The following ITPR2 variants were observed in gnomAD, a reference collection of about 807,000 sequenced individuals.
The protein encoded by ITPR2 is inositol 1,4,5-trisphosphate-gated calcium channel ITPR2.
Under a neutral mutation model 317.1 loss-of-function variants are expected in ITPR2, and 207 were observed. That is an observed-to-expected ratio of 0.65 (90% CI 0.58 to 0.73). The LOEUF (loss-of-function observed/expected upper bound fraction) is 0.73. ITPR2 is among the 30% of genes least tolerant of loss of function. ITPR2 has a pLI of 0.00. For missense variants in ITPR2, 2,613 were observed against 3,284.0 expected, an observed-to-expected ratio of 0.80 and a Z score of 4.99; for synonymous variants, 1,156 against 1,149.1, an observed-to-expected ratio of 1.01 and a Z score of -0.12.
At chr12:26,442,732 G>A (rs1941514653) in intron 46 of ITPR2, among the ~76,000 whole-genome samples, 2 of 152,178 alleles carry the variant, frequency 1.3e-5, no homozygotes, top group Admixed American at 1.3e-4. Context: ...GTGACACAAA[G>A]GTTTGACAAT....
At chr12:26,764,826 A>G (rs1331334121) in intron 2 of ITPR2, among the ~76,000 whole-genome samples, 4 of 152,060 alleles carry the variant, frequency 2.6e-5, no homozygotes, top group Non-Finnish European at 4.4e-5. Flanking sequence ...GAGAATGTAT[A>G]CTGGAAAAGC....
chr12:26,375,638 C>G (rs1419041948), intron 55 of ITPR2, among the ~76,000 whole-genome samples: 1 of 152,144 alleles, frequency 6.6e-6, no homozygotes, highest in Non-Finnish European at 1.5e-5. Context: ...CTGTGCTATT[C>G]CAAGTCTGAG....
At chr12:26,586,760 A>G (rs1945539712) in intron 32 of ITPR2, among the ~76,000 whole-genome samples, 1 of 152,198 alleles carries the variant, frequency 6.6e-6, no homozygotes, top group African/African-American at 2.4e-5. Flanking sequence ...AACAAAATAT[A>G]TAAAAACCAC....
At chr12:26,556,729 T>A (rs1408725768) in intron 35 of ITPR2, among the ~76,000 whole-genome samples, 1 of 148,888 alleles carries the variant, frequency 6.7e-6, no homozygotes, top group Non-Finnish European at 1.5e-5. Context: ...TGAGAGGTAC[T>A]CATTACTTTG....
chr12:26,636,670 A>G (rs1474346198), intron 21 of ITPR2, among the ~76,000 whole-genome samples: 1 of 152,196 alleles, frequency 6.6e-6, no homozygotes, highest in Non-Finnish European at 1.5e-5. Context: ...AAATTTATTA[A>G]AAGGAAAAAA....
intron 35 of ITPR2, among the ~76,000 whole-genome samples, chr12:26,556,583 T>C (rs1944670455): frequency 2.7e-5 from 4 of 149,972 alleles, no homozygotes; most frequent in African/African-American, 9.8e-5. Context: ...TGTGTGTGTG[T>C]GTGTGTGTGT....
chr12:26,644,673 C>T lies in ITPR2; in HGVS notation c.2740+9303G>A, dbSNP rs142915699. 3.5e-3 allele frequency among the ~76,000 whole-genome samples: 525 copies of T among 152,146 alleles called. 1 individual carries two copies. The highest frequency in any genetic ancestry group is 0.011 in the African/African-American group (474 of 41,490). On this transcript the variant is annotated intron_variant, in intron 21 of 56. Coordinates refer to ENST00000381340, the MANE Select transcript of ITPR2 (RefSeq NM_002223.4). ...TGAGACTTACTCACTAACACAAGAA[C>T]AGCACAGGAAGAAACTGCCCCCATG...
At chr12:26,676,306 G>T (rs560712108) in intron 13 of ITPR2, among the ~76,000 whole-genome samples, 1 of 151,962 alleles carries the variant, frequency 6.6e-6, no homozygotes, top group South Asian at 2.1e-4. Flanking sequence ...GTGAAACCCT[G>T]TATCTACTAA....
intron 55 of ITPR2, among the ~76,000 whole-genome samples, chr12:26,375,256 G>A (rs1939301871): frequency 6.6e-6 from 1 of 152,136 alleles, no homozygotes; most frequent in South Asian, 2.1e-4. Flanking sequence ...CACAGCAGGA[G>A]GAAATCTTTT....
chr12:26,343,697 A>G (rs1010651020), intron 55 of ITPR2, among the ~76,000 whole-genome samples: 7 of 152,232 alleles, frequency 4.6e-5, no homozygotes, highest in Non-Finnish European at 7.3e-5. Flanking sequence ...CAAAATCTGT[A>G]TGAATGAACA....
At position 26,621,141 on chromosome 12, in the gene ITPR2, A is replaced by G; in HGVS notation, c.3444T>C (p.Gly1148=). 6.2e-7 allele frequency: 1 copy of G among 1,613,248 alleles called. No individual in the cohort carries two copies. The highest frequency in any genetic ancestry group is 8.5e-7 in the Non-Finnish European group (1 of 1,179,610). The stretch of plus-strand genomic sequence containing the variant: ...AACGAACCTCAATTGGCTCTTCACC[A>G]CCTTTCACTTGACTTTCCCCTATTT... The part of the protein sequence containing the change: ...NGEIGESQVK[G]GEEPIEESNI... Residue 1148 remains glycine, a synonymous_variant, in exon 26 of 57, where the codon GGT becomes GGC. Transcript: ENST00000381340.
intron 44 of ITPR2, among the ~76,000 whole-genome samples, chr12:26,476,423 G>A (rs1942418142): frequency 6.6e-6 from 1 of 152,230 alleles, no homozygotes; most frequent in Non-Finnish European, 1.5e-5. Flanking sequence ...ACACACTAAT[G>A]ATCTCTGTGG....
At chr12:26,615,072 C>T (rs556205480) in intron 26 of ITPR2, among the ~76,000 whole-genome samples, 2 of 152,266 alleles carry the variant, frequency 1.3e-5, no homozygotes, top group East Asian at 1.9e-4. Flanking sequence ...GAACTCTATG[C>T]TTTCTGTGTA....
intron 39 of ITPR2, among the ~76,000 whole-genome samples, chr12:26,488,723 C>A (rs1481075186): frequency 6.6e-6 from 1 of 152,144 alleles, no homozygotes; most frequent in South Asian, 2.1e-4. Context: ...AAGCCCAAAT[C>A]TTTTCAATAT....
chr12:26,390,402 G>A (rs1939796866), intron 54 of ITPR2, among the ~76,000 whole-genome samples: 1 of 152,164 alleles, frequency 6.6e-6, no homozygotes, highest in Non-Finnish European at 1.5e-5. Flanking sequence ...ATATCCATAT[G>A]ACAGGATAAT....
At chr12:26,769,683 TTATA>T (rs1160924364) in intron 2 of ITPR2, among the ~76,000 whole-genome samples, 1 of 151,938 alleles carries the variant, frequency 6.6e-6, no homozygotes, top group African/African-American at 2.4e-5. Flanking sequence ...TAATAAATAT[TTATA>T]TAATACCCTC....
chr12:26,651,693 G>T (rs1025839022), intron 21 of ITPR2, among the ~76,000 whole-genome samples: 1 of 152,220 alleles, frequency 6.6e-6, no homozygotes, highest in African/African-American at 2.4e-5. Context: ...GTTTCACATA[G>T]TGATACCGAT....
chr12:26,814,294 T>C (rs1950811023), intron 1 of ITPR2, among the ~76,000 whole-genome samples: 1 of 152,162 alleles, frequency 6.6e-6, no homozygotes, highest in East Asian at 1.9e-4. Flanking sequence ...GGTTCTCTTT[T>C]GGGGTGAAAA....
In ITPR2 at chr12:26,621,180, G is replaced by C. The variant is rs752178242; in HGVS notation, c.3405C>G (p.Asn1135Lys). The change falls in exon 26 of 57, where the codon AAC becomes AAG. Residue 1135 changes from asparagine to lysine, a missense_variant. By Grantham distance (94) the Asn-to-Lys change is moderately conservative. Transcript: ENST00000381340. ...KSELWVEKSSNYENGEIGESQ... is the reference protein window; with the variant it reads ...KSELWVEKSSKYENGEIGESQ... ...TTTCCCCTATTTCTCCATTCTCATAGTTGCTGCTCTTCTCCACCCATAGCT... is the reference window on the plus strand; with the variant it reads ...TTTCCCCTATTTCTCCATTCTCATACTTGCTGCTCTTCTCCACCCATAGCT... The C allele has an allele frequency of 6.2e-7, 1 of 1,613,832 alleles. No individual in the cohort carries two copies. The highest frequency in any genetic ancestry group is 8.5e-7 in the Non-Finnish European group (1 of 1,179,846).
Sources: gnomAD v4.1 joint callset for allele counts (sites outside exome capture counted in the v4.1 genomes callset) on GRCh38, gnomAD v4.1.1 for gene constraint, MANE v1.5 for transcripts, NCBI Gene and HGNC (gene_info 2026-07-23, HGNC 2026-07-21) for gene names.